The following PAK3 variants were observed in gnomAD, a reference collection of about 807,000 sequenced individuals.
PAK3 encodes the protein serine/threonine-protein kinase PAK 3.
PAK3 carries 4 observed loss-of-function variants against 41.0 expected under a neutral mutation model. That is an observed-to-expected ratio of 0.10 (90% CI 0.05 to 0.22). The LOEUF (loss-of-function observed/expected upper bound fraction) is 0.22, where lower values mean the gene tolerates loss of function less well. Among genes scored for constraint, PAK3 ranks in the 10% least tolerant of loss-of-function variants. The pLI is 1.00. For synonymous variants in PAK3, 146 were observed against 139.6 expected, an observed-to-expected ratio of 1.05 and a Z score of -0.32; for missense variants, 205 against 409.9, an observed-to-expected ratio of 0.50 and a Z score of 4.32.
At chrX:111,149,474 C>T (rs1018955923) in intron 7 of PAK3, among the ~76,000 whole-genome samples, 1 of 111,992 alleles carries the variant, frequency 8.9e-6, no homozygotes, top group African/African-American at 3.2e-5. Flanking sequence ...CCATGAGGGC[C>T]CCACCCCTGC....
At chrX:111,160,631 A>G (rs767132179) in intron 8 of PAK3, among the ~76,000 whole-genome samples, 1 of 106,346 alleles carries the variant, frequency 9.4e-6, no homozygotes, top group Non-Finnish European at 1.9e-5. Flanking sequence ...CCCACCCCAC[A>G]ACAGTCCCCG....
intron 1 of PAK3, among the ~76,000 whole-genome samples, chrX:110,985,529 A>T (rs1602654394): frequency 8.9e-6 from 1 of 112,390 alleles, no homozygotes; most frequent in Non-Finnish European, 1.9e-5. Context: ...TATTCCACTC[A>T]TTGGCTCTAA....
chrX:111,058,726 T>C (rs141667125), intron 1 of PAK3, among the ~76,000 whole-genome samples: 2,314 of 111,810 alleles, frequency 0.021, 56 homozygotes, highest in African/African-American at 0.071. Flanking sequence ...GGCATCATAT[T>C]TAAGAAAATG....
chrX:110,956,065 G>A (rs1260150330), intron 1 of PAK3, among the ~76,000 whole-genome samples: 1 of 111,995 alleles, frequency 8.9e-6, no homozygotes, highest in Non-Finnish European at 1.9e-5. Context: ...TCACAGAGTT[G>A]TGGTGAGGAA....
At chrX:111,086,762 G>A (rs1170863974) in intron 1 of PAK3, among the ~76,000 whole-genome samples, 1 of 111,560 alleles carries the variant, frequency 9.0e-6, no homozygotes, top group Non-Finnish European at 1.9e-5. Context: ...CTGAATGAGG[G>A]AAAGGCCAAT....
intron 1 of PAK3, among the ~76,000 whole-genome samples, chrX:110,999,847 G>A (rs990570592): frequency 1.8e-5 from 2 of 110,399 alleles, no homozygotes; most frequent in Non-Finnish European, 3.8e-5. Context: ...GTTGGCAGGC[G>A]CCTGTAATCC....
At chrX:111,067,903 A>G (rs1461688509) in intron 1 of PAK3, among the ~76,000 whole-genome samples, 1 of 110,865 alleles carries the variant, frequency 9.0e-6, no homozygotes, top group East Asian at 2.8e-4. Flanking sequence ...ATTTCTATAA[A>G]ATTAAAGTTG....
intron 1 of PAK3, among the ~76,000 whole-genome samples, chrX:110,967,026 C>G (rs1219550688): frequency 8.9e-6 from 1 of 112,150 alleles, no homozygotes; most frequent in Non-Finnish European, 1.9e-5. Flanking sequence ...CTAGATTACT[C>G]AACAAGACCA....
chrX:111,204,864 C>CTTTCCTTTGCTTTGTTT (rs2094722667), intron 16 of PAK3, among the ~76,000 whole-genome samples: 1 of 61,351 alleles, frequency 1.6e-5, no homozygotes, highest in Non-Finnish European at 3.2e-5. Flanking sequence ...TTCTTTTCTT[C>CTTTCCTTTGCTTTGTTT]TTTCCTTTGC....
At chrX:111,208,700 G>A (rs2094783551) in intron 16 of PAK3, among the ~76,000 whole-genome samples, 1 of 111,847 alleles carries the variant, frequency 8.9e-6, no homozygotes, top group Non-Finnish European at 1.9e-5. Context: ...TTCACAAAAC[G>A]ATGAAATTGC....
chrX:111,159,441 G>A (rs1485314318), intron 8 of PAK3, among the ~76,000 whole-genome samples: 1 of 111,108 alleles, frequency 9.0e-6, no homozygotes, highest in Non-Finnish European at 1.9e-5. Context: ...GGCAAGGTTC[G>A]TATTGCCTAA....
chrX:111,096,154 G>A (rs933999205), upstream of PAK3, among the ~76,000 whole-genome samples: 3 of 111,514 alleles, frequency 2.7e-5, no homozygotes, highest in African/African-American at 9.8e-5. Context: ...CGTAATAGCA[G>A]AGAAGGGCTA....
At chrX:111,216,985 T>G (rs964601388) in intron 17 of PAK3, 1 of 749,821 alleles carries the variant, frequency 1.3e-6, no homozygotes, top group African/African-American at 2.3e-5. Context: ...TTGCTTGTGA[T>G]GCCAATTGGC....
chrX:110,961,666 A>G (rs1457767069), intron 1 of PAK3, among the ~76,000 whole-genome samples: 2 of 111,759 alleles, frequency 1.8e-5, no homozygotes, highest in Non-Finnish European at 3.8e-5. Flanking sequence ...CTTGCTAGCT[A>G]CTGCCCTATG....
intron 1 of PAK3, among the ~76,000 whole-genome samples, chrX:111,018,845 C>T (rs1384855126): frequency 2.7e-5 from 3 of 111,587 alleles, no homozygotes; most frequent in Admixed American, 9.5e-5. Flanking sequence ...AAACATACTA[C>T]GAAGCTTACA....
At chrX:110,996,540 G>C (rs1240774177) in intron 1 of PAK3, among the ~76,000 whole-genome samples, 1 of 111,708 alleles carries the variant, frequency 9.0e-6, no homozygotes, top group Non-Finnish European at 1.9e-5. Context: ...GTGGCTTTTG[G>C]GATGCAGTTA....
At chrX:111,053,970 C>T (rs2148795321) in intron 1 of PAK3, among the ~76,000 whole-genome samples, 1 of 112,604 alleles carries the variant, frequency 8.9e-6, no homozygotes, top group African/African-American at 3.2e-5. Context: ...CTAGAGTCTA[C>T]CTTGCAATTA....
chrX:111,143,390 A>G (rs768221585), intron 6 of PAK3, among the ~76,000 whole-genome samples: 32 of 111,714 alleles, frequency 2.9e-4, no homozygotes, highest in Middle Eastern at 4.6e-3. Context: ...TGGAAACAGT[A>G]AACACCTTGG....
At chrX:111,082,090 T>C (rs2092839355) in intron 1 of PAK3, among the ~76,000 whole-genome samples, 1 of 111,666 alleles carries the variant, frequency 9.0e-6, no homozygotes, top group Non-Finnish European at 1.9e-5. Flanking sequence ...AAAATGAAAG[T>C]TCCTTAATAA....
Sources: gnomAD v4.1 joint callset for allele counts (sites outside exome capture counted in the v4.1 genomes callset) on GRCh38, gnomAD v4.1.1 for gene constraint, MANE v1.5 for transcripts, NCBI Gene and HGNC (gene_info 2026-07-23, HGNC 2026-07-21) for gene names.